The following DIP2B variants were observed in gnomAD, a reference collection of about 807,000 sequenced individuals.
DIP2B encodes the protein disco-interacting protein 2 homolog B.
DIP2B carries 76 observed loss-of-function variants against 198.0 expected under a neutral mutation model. The observed-to-expected ratio is 0.38, with a 90% CI of 0.32 to 0.46. The LOEUF (loss-of-function observed/expected upper bound fraction) is 0.46, where lower values mean the gene tolerates loss of function less well. Ranked by LOEUF, DIP2B falls within the 20% of genes least tolerant of loss-of-function variation. DIP2B has a pLI of 0.99. For missense variants in DIP2B, 1,559 were observed against 1,978.4 expected, an observed-to-expected ratio of 0.79 and a Z score of 4.02; for synonymous variants, 701 against 739.1, an observed-to-expected ratio of 0.95 and a Z score of 0.84.
In DIP2B at chr12:50,739,449, C is replaced by T; in HGVS notation, c.4217C>T (p.Thr1406Ile). ...CCCCATACAGCCAGCGGCTACTACA[C>T]CATCTATGATAGCGAGACTCTTCAA... Reference protein sequence around the residue: ...NSPHTASGYYTIYDSETLQAD... With the variant: ...NSPHTASGYYIIYDSETLQAD... The change falls in exon 36 of 38, where the codon ACC (threonine) becomes ATC (isoleucine). Residue 1406 changes from threonine to isoleucine, a missense_variant. Physicochemically the swap from Thr to Ile is moderately conservative, Grantham distance 89. Coordinates refer to ENST00000301180, the MANE Select transcript of DIP2B (RefSeq NM_173602.3). 2.5e-6 allele frequency: 4 copies of T among 1,614,084 alleles called. No homozygotes were observed. The highest frequency in any genetic ancestry group is 3.4e-6 in the Non-Finnish European group (4 of 1,179,940).
intron 1 of DIP2B, among the ~76,000 whole-genome samples, chr12:50,513,491 A>G (rs1958036406): frequency 6.6e-6 from 1 of 152,252 alleles, no homozygotes; most frequent in African/African-American, 2.4e-5. Flanking sequence ...ATGGATGTTT[A>G]GAACCTTCAG....
intron 3 of DIP2B, 31 bp from the exon 4 acceptor site, chr12:50,660,163 A>G (rs557247973): frequency 6.3e-7 from 1 of 1,584,202 alleles, no homozygotes; most frequent in Non-Finnish European, 8.6e-7. Context: ...AAGAGCCGGA[A>G]GCTAATAAAT....
intron 9 of DIP2B, among the ~76,000 whole-genome samples, chr12:50,682,325 A>C (rs1939054066): frequency 6.6e-6 from 1 of 152,212 alleles, no homozygotes; most frequent in African/African-American, 2.4e-5. Context: ...AAAACAATGA[A>C]TTAAAGAGTA....
intron 1 of DIP2B, among the ~76,000 whole-genome samples, chr12:50,624,248 C>G (rs1317331011): frequency 6.6e-6 from 1 of 152,144 alleles, no homozygotes; most frequent in Admixed American, 6.5e-5. Context: ...TCTTGTGTGT[C>G]CCACAGGCCT....
intron 2 of DIP2B, among the ~76,000 whole-genome samples, chr12:50,636,248 G>A (rs534973590): frequency 2.6e-5 from 4 of 152,350 alleles, no homozygotes; most frequent in South Asian, 2.1e-4. Context: ...GTGTATGTAT[G>A]TATGCATAGG....
intron 23 of DIP2B, among the ~76,000 whole-genome samples, chr12:50,715,299 T>G (rs1939693786): frequency 6.6e-6 from 1 of 152,172 alleles, no homozygotes; most frequent in Admixed American, 6.6e-5. Flanking sequence ...TTTTTACTCA[T>G]GGAATGTGGA....
At chr12:50,739,248 G>T (rs1416007610) in intron 35 of DIP2B, among the ~76,000 whole-genome samples, 161 bp from the exon 36 acceptor site, 1 of 152,196 alleles carries the variant, frequency 6.6e-6, no homozygotes. Flanking sequence ...TGGAGATTAG[G>T]TACATGATGA....
At chr12:50,702,287 AGT>A (rs906304535) in intron 19 of DIP2B, among the ~76,000 whole-genome samples, 1 of 152,116 alleles carries the variant, frequency 6.6e-6, no homozygotes, top group African/African-American at 2.4e-5. Context: ...TGAAACTTGC[AGT>A]GAGCCAAGAT....
intron 22 of DIP2B, among the ~76,000 whole-genome samples, chr12:50,711,175 G>C (rs531503260): frequency 3.0e-4 from 45 of 152,276 alleles, no homozygotes; most frequent in African/African-American, 1.1e-3. Context: ...TGAGATAACA[G>C]GCCATTCTTT....
chr12:50,667,399 T>A (rs1307264583), intron 4 of DIP2B, among the ~76,000 whole-genome samples: 2 of 152,334 alleles, frequency 1.3e-5, no homozygotes, highest in Non-Finnish European at 2.9e-5. Context: ...CAGAGCAGAA[T>A]CAGTAGGGAA....
At chr12:50,672,706 G>A (rs1049097184) in intron 5 of DIP2B, among the ~76,000 whole-genome samples, 1 of 151,978 alleles carries the variant, frequency 6.6e-6, no homozygotes, top group African/African-American at 2.4e-5. Context: ...CAAAAATATA[G>A]GTAAAAGAAA....
chr12:50,538,078 T>C (rs1030000499), intron 1 of DIP2B, among the ~76,000 whole-genome samples: 4 of 152,150 alleles, frequency 2.6e-5, no homozygotes, highest in African/African-American at 9.7e-5. Context: ...GGAGTCTTCA[T>C]AGGGCTAAGG....
At chr12:50,572,516 T>A (rs1157505565) in intron 1 of DIP2B, among the ~76,000 whole-genome samples, 1 of 152,204 alleles carries the variant, frequency 6.6e-6, no homozygotes, top group Middle Eastern at 3.2e-3. Flanking sequence ...CTGAATGCCT[T>A]TGGCAAAAGG....
At chr12:50,664,829 GGTTTTTGTTTTTTTTTTTT>G (rs1374896061) in intron 4 of DIP2B, among the ~76,000 whole-genome samples, 614 of 5,088 alleles carry the variant, frequency 0.12, 26 homozygotes, top group African/African-American at 0.18. Context: ...CTCCTTTTTT[GGTTTTTGTTTTTTTTTTTT>G]TTTTTTTTTT....
chr12:50,519,139 T>C (rs2139349581), intron 1 of DIP2B, among the ~76,000 whole-genome samples: 1 of 152,258 alleles, frequency 6.6e-6, no homozygotes, highest in South Asian at 2.1e-4. Context: ...GGTATAGGGG[T>C]GTAATTTGTT....
At chr12:50,692,074 T>A (rs1018578196) in intron 13 of DIP2B, among the ~76,000 whole-genome samples, 7 of 151,942 alleles carry the variant, frequency 4.6e-5, no homozygotes, top group African/African-American at 1.7e-4. Context: ...CAAAAAAATA[T>A]ATATATATAT....
At chr12:50,565,894 T>C (rs1169056014) in intron 1 of DIP2B, among the ~76,000 whole-genome samples, 6 of 152,222 alleles carry the variant, frequency 3.9e-5, no homozygotes, top group Admixed American at 3.3e-4. Context: ...TTCACAGTTT[T>C]TGTGTGTGTG....
chr12:50,545,917 G>A (rs978429355), intron 1 of DIP2B, among the ~76,000 whole-genome samples: 1 of 152,156 alleles, frequency 6.6e-6, no homozygotes, highest in Non-Finnish European at 1.5e-5. Context: ...TTATAGCTGT[G>A]AGTCACTGTG....
chr12:50,678,050 G>A lies in DIP2B; in HGVS notation c.917-629G>A, dbSNP rs368300239. On this transcript the variant is annotated intron_variant, in intron 7 of 37. Transcript: ENST00000301180. The stretch of plus-strand genomic sequence containing the variant: ...GCTGTTTCAGCCAAGTCCTGAAAAG[G>A]ATGAGGAAGAGTTCACCAGGAGGCA... Among the ~76,000 whole-genome samples, 57 of 150,734 alleles carry A rather than the reference G, an allele frequency of 3.8e-4. No individual in the cohort carries two copies. In the South Asian group the frequency reaches 0.012, roughly 32 times the overall value.
Sources: allele counts gnomAD v4.1 joint callset (sites outside exome capture counted in the v4.1 genomes callset), GRCh38; gene constraint gnomAD v4.1.1; transcripts MANE v1.5; gene names NCBI Gene and HGNC (gene_info 2026-07-23, HGNC 2026-07-21).